The following MTR variants were observed in gnomAD, a reference collection of about 807,000 sequenced individuals.
MTR encodes methionine synthase.
A neutral mutation model predicts 154.8 loss-of-function variants in MTR; 84 were observed. The observed-to-expected ratio is 0.54, with a 90% confidence interval of 0.45 to 0.65. The LOEUF is 0.65. Among genes scored for constraint, MTR ranks in the 30% least tolerant of loss-of-function variants. The probability of loss-of-function intolerance (pLI) is 0.00; values close to 1 mark genes in which losing one functional copy is unlikely to be tolerated. For missense variants in MTR, 1,275 were observed against 1,570.2 expected (o/e 0.81, Z 3.18); for synonymous variants, 554 against 553.9 (o/e 1.00, Z 0.00).
At chr1:236,818,649 T>C (rs1050358107) in intron 8 of MTR, among the ~76,000 whole-genome samples, 5 of 152,232 alleles carry the variant, frequency 3.3e-5, no homozygotes, top group East Asian at 1.9e-4. Flanking sequence ...TAGGGGCAGA[T>C]AGAAGGCAGC....
chr1:236,843,961 T>G (rs1016870543), intron 15 of MTR, among the ~76,000 whole-genome samples: 1 of 152,284 alleles, frequency 6.6e-6, no homozygotes, highest in East Asian at 1.9e-4. Flanking sequence ...TTCCTTTTTT[T>G]GGGAATTATT....
At chr1:236,891,086 T>G in intron 28 of MTR, 47 bp from the exon 29 acceptor site, 1 of 1,597,512 alleles carries the variant, frequency 6.3e-7, no homozygotes, top group Middle Eastern at 1.7e-4. Flanking sequence ...TGTTTGATGG[T>G]TATTTTTGGC....
chr1:236,799,629 A>T (rs1189529382), intron 1 of MTR, among the ~76,000 whole-genome samples: 1 of 152,136 alleles, frequency 6.6e-6, no homozygotes, highest in East Asian at 1.9e-4. Flanking sequence ...TTCACATTGT[A>T]TATTACATTC....
chr1:236,878,407 A>T (rs897231964), intron 24 of MTR, among the ~76,000 whole-genome samples: 9 of 152,180 alleles, frequency 5.9e-5, no homozygotes, highest in Non-Finnish European at 1.3e-4. Flanking sequence ...AACATCGCTG[A>T]GGGGAGATAA....
chr1:236,894,335 T>TC (rs775728220), intron 29 of MTR, 22 bp from the exon 30 acceptor site: 1 of 1,613,106 alleles, frequency 6.2e-7, no homozygotes, highest in Non-Finnish European at 8.5e-7. Flanking sequence ...CCCCGCACAC[T>TC]CCTACACTCC....
chr1:236,839,682 C>A (rs1663118459), intron 15 of MTR, among the ~76,000 whole-genome samples: 1 of 152,078 alleles, frequency 6.6e-6, no homozygotes, highest in South Asian at 2.1e-4. Flanking sequence ...ACTAAAAAAT[C>A]TATTTCTTAT....
At position 236,900,966 on chromosome 1, in the gene MTR, C is replaced by G. The variant is rs76520920; in HGVS notation, c.*3322C>G. 0.019 allele frequency: 2,866 copies of G among 152,900 alleles called. 108 individuals are homozygous for G. The highest frequency in any genetic ancestry group is 0.066 in the African/African-American group (2,729 of 41,496). 9.5% of individuals were successfully genotyped at this position (152,900 alleles called of 1,614,324 possible). A position where few individuals can be genotyped will look rare whatever the true frequency, so the allele number is the denominator to read the frequency against. On this transcript the variant is annotated 3_prime_UTR_variant, in exon 33 of 33. Transcript: ENST00000366577. The stretch of plus-strand genomic sequence containing the variant: ...AGACTTTGGAATTTAAAAAGAATGT[C>G]TGGAGTTAGAATTGAGAGACTTGAA...
At chr1:236,877,362 A>G (rs1417242805) in intron 24 of MTR, among the ~76,000 whole-genome samples, 1 of 152,252 alleles carries the variant, frequency 6.6e-6, no homozygotes, top group Non-Finnish European at 1.5e-5. Context: ...CTCCAGATCA[A>G]GAAATAGAAC....
At chr1:236,806,081 G>A (rs763064093) in intron 2 of MTR, 63 bp from the exon 3 acceptor site, 4 of 1,397,154 alleles carry the variant, frequency 2.9e-6, no homozygotes, top group Non-Finnish European at 4.1e-6. Context: ...GAAAGGGCAT[G>A]TTTATTCTGG....
At position 236,900,665 on chromosome 1, in the gene MTR, C is replaced by G. The variant is rs1461606765; in HGVS notation, c.*3021C>G. On this transcript the variant is annotated 3_prime_UTR_variant, in exon 33 of 33. Transcript: ENST00000366577. Reference sequence around the variant, plus strand: ...AAATAAAGGCAAAGTGGAATGATAACCTAAAATCTGGTATGGTGATTTTGT... The same window carrying G: ...AAATAAAGGCAAAGTGGAATGATAAGCTAAAATCTGGTATGGTGATTTTGT... The G allele has an allele frequency of 6.6e-6, 1 of 152,116 alleles. No homozygotes were observed. Among genetic ancestry groups the G allele is most frequent in the Non-Finnish European group, 1.5e-5 (1 of 68,030 alleles). 9.4% of individuals were successfully genotyped at this position (152,116 alleles called of 1,614,324 possible).
intron 9 of MTR, among the ~76,000 whole-genome samples, chr1:236,824,982 G>A (rs1662194047): frequency 6.6e-6 from 1 of 152,090 alleles, no homozygotes. Context: ...CAAAGGTTAT[G>A]TAGTATTCCT....
In MTR at chr1:236,860,086, C is replaced by G. The variant is rs957615980; in HGVS notation, c.2043+164C>G. Among the ~76,000 whole-genome samples the G allele has an allele frequency of 1.7e-4, 15 of 89,854 alleles. 1 individual carries two copies. The highest frequency in any genetic ancestry group is 2.8e-4 in the Non-Finnish European group (12 of 43,084). The allele number at this position is 89,854 out of a possible 152,430, so 58.9% of individuals were successfully genotyped here. On this transcript the variant is annotated intron_variant, in intron 19 of 32. Coordinates refer to ENST00000366577, the MANE Select transcript of MTR (RefSeq NM_000254.3). Reference sequence around the variant, plus strand: ...CCCCAGCTGCCCCCCCCCCCCCCCCCCCCCACCATAGCACATTTGACAGTG... The same window carrying G: ...CCCCAGCTGCCCCCCCCCCCCCCCCGCCCCACCATAGCACATTTGACAGTG...
intron 15 of MTR, among the ~76,000 whole-genome samples, chr1:236,845,148 T>C (rs1027236094): frequency 2.0e-5 from 3 of 152,236 alleles, no homozygotes; most frequent in Non-Finnish European, 4.4e-5. Flanking sequence ...ACCTTTGGTC[T>C]TCCTCATTTG....
At chr1:236,889,138 G>C (rs372250269) in intron 27 of MTR, 43 bp from the exon 28 acceptor site, 23 of 1,612,934 alleles carry the variant, frequency 1.4e-5, no homozygotes, top group Middle Eastern at 1.8e-4. Context: ...CCATCAGGCA[G>C]GGTGCCAGCG....
intron 5 of MTR, 77 bp downstream of exon 5, chr1:236,810,672 TGGAATCAATAACA>T (rs1661245863): frequency 1.6e-6 from 2 of 1,231,962 alleles, no homozygotes; most frequent in South Asian, 2.4e-5. Context: ...ATCTGTAAAA[TGGAATCAATAACA>T]GGATCTACCT....
intron 2 of MTR, among the ~76,000 whole-genome samples, chr1:236,804,299 G>C (rs112948819): frequency 0.011 from 1,619 of 152,292 alleles, 22 homozygotes; most frequent in African/African-American, 0.035. Flanking sequence ...TTATAAAAGA[G>C]GCTCAAGGGC....
At position 236,898,025 on chromosome 1, in the gene MTR, G is replaced by T. The variant is rs1172226468; in HGVS notation, c.*381G>T. 4.0e-6 allele frequency: 1 copy of T among 252,884 alleles called. No individual in the cohort carries two copies. Among genetic ancestry groups the T allele is most frequent in the Non-Finnish European group, 7.7e-6 (1 of 130,484 alleles). 15.7% of individuals were successfully genotyped at this position (252,884 alleles called of 1,614,324 possible). ...GTCTTTTTTTCCTCTTAGAAGAAAA[G>T]CCTGAAACTGAGTTGAATAGAGAAG... On this transcript the variant is annotated 3_prime_UTR_variant, in exon 33 of 33. Coordinates refer to ENST00000366577, the MANE Select transcript of MTR (RefSeq NM_000254.3).
chr1:236,803,722 C>T (rs925584008), intron 2 of MTR, 80 bp downstream of exon 2: 1 of 1,343,824 alleles, frequency 7.4e-7, no homozygotes, highest in Non-Finnish European at 1.1e-6. Flanking sequence ...GGCTGCTATG[C>T]CGAGTGCTCC....
At chr1:236,804,850 A>T (rs1660888912) in intron 2 of MTR, among the ~76,000 whole-genome samples, 1 of 152,018 alleles carries the variant, frequency 6.6e-6, no homozygotes, top group Non-Finnish European at 1.5e-5. Context: ...ATATGTAGAA[A>T]ACTCATAGTA....
Sources: allele counts gnomAD v4.1 joint callset (sites outside exome capture counted in the v4.1 genomes callset), GRCh38; gene constraint gnomAD v4.1.1; transcripts MANE v1.5; gene names NCBI Gene and HGNC (gene_info 2026-07-23, HGNC 2026-07-21).